The following DCDC2 variants were observed in gnomAD, a reference collection of about 807,000 sequenced individuals.
The protein encoded by DCDC2 is doublecortin domain containing 2.
In DCDC2, 40 loss-of-function variants were observed where a neutral mutation model predicts 50.2. The ratio of observed to expected loss-of-function variants is 0.80; its 90% CI spans 0.62 to 1.04. The LOEUF (loss-of-function observed/expected upper bound fraction) is 1.04. Ranked by LOEUF, DCDC2 falls within the 50% of genes least tolerant of loss-of-function variation. The pLI, the probability that DCDC2 is intolerant of heterozygous loss-of-function variation, is 0.00. For synonymous variants in DCDC2, 234 were observed against 210.6 expected (o/e 1.11, Z -0.96); for missense variants, 570 against 581.9 (o/e 0.98, Z 0.21).
chr6:24,280,546 A>AT (rs1008016266), intron 6 of DCDC2, among the ~76,000 whole-genome samples: 9 of 150,834 alleles, frequency 6.0e-5, no homozygotes, highest in Non-Finnish European at 1.2e-4. Context: ...AATTTTATTT[A>AT]TTTTTTTTTA....
chr6:24,315,127 A>G (rs141163658), intron 2 of DCDC2, among the ~76,000 whole-genome samples: 116 of 150,570 alleles, frequency 7.7e-4, no homozygotes, highest in African/African-American at 2.5e-3. Flanking sequence ...CCAAAAACAC[A>G]CTTTAAGGGC....
intron 2 of DCDC2, among the ~76,000 whole-genome samples, chr6:24,319,864 T>A (rs1759740325): frequency 6.6e-6 from 1 of 152,160 alleles, no homozygotes; most frequent in Non-Finnish European, 1.5e-5. Flanking sequence ...TCTCTCAGTA[T>A]ATATTTTGTA....
At chr6:24,186,401 A>C (rs977271908) in intron 8 of DCDC2, among the ~76,000 whole-genome samples, 5 of 152,218 alleles carry the variant, frequency 3.3e-5, no homozygotes, top group Admixed American at 6.5e-5. Context: ...CAGAGACATA[A>C]AGCAAGTTGC....
At chr6:24,313,110 T>C (rs1422220389) in intron 2 of DCDC2, among the ~76,000 whole-genome samples, 1 of 152,238 alleles carries the variant, frequency 6.6e-6, no homozygotes, top group Non-Finnish European at 1.5e-5. Flanking sequence ...CACAGAAATA[T>C]TTCCACAGAT....
At chr6:24,182,872 T>C (rs530256178) in intron 8 of DCDC2, among the ~76,000 whole-genome samples, 33 of 152,334 alleles carry the variant, frequency 2.2e-4, no homozygotes, top group African/African-American at 6.5e-4. Flanking sequence ...AGGAGAATTA[T>C]TCACAATAGC....
chr6:24,209,877 C>T (rs1443762972), intron 7 of DCDC2, among the ~76,000 whole-genome samples: 1 of 152,204 alleles, frequency 6.6e-6, no homozygotes, highest in African/African-American at 2.4e-5. Flanking sequence ...CACCCCCACA[C>T]TTTCCCCAGC....
intron 7 of DCDC2, among the ~76,000 whole-genome samples, chr6:24,238,513 G>C (rs950758479): frequency 6.6e-6 from 1 of 151,852 alleles, no homozygotes; most frequent in Non-Finnish European, 1.5e-5. Flanking sequence ...TGGCCAGGCT[G>C]GTCTCAAACT....
Position 24,357,631 on chromosome 6 carries a change from C to A in DCDC2, c.120G>T (p.Lys40Asn), listed in dbSNP as rs1422158223. The change falls in exon 1 of 10, where the codon AAG becomes AAT. Residue 40 changes from lysine (K) to asparagine (N), a missense_variant. Coordinates refer to ENST00000378454, the MANE Select transcript of DCDC2 (RefSeq NM_016356.5). ...TCAGGAAGACTTCGAAGCTGGACACCTTCTTCTCATGGATGACGACGCGGC... is the reference window on the plus strand; with the variant it reads ...TCAGGAAGACTTCGAAGCTGGACACATTCTTCTCATGGATGACGACGCGGC... ...AGRRVVIHEK[K>N]VSSFEVFLKE... 1 of 1,613,478 alleles carries A rather than the reference C, an allele frequency of 6.2e-7. No homozygotes were observed. The highest frequency in any genetic ancestry group is 1.7e-5 in the Admixed American group (1 of 60,022).
At chr6:24,258,764 C>T (rs1366397772) in intron 7 of DCDC2, among the ~76,000 whole-genome samples, 1 of 152,150 alleles carries the variant, frequency 6.6e-6, no homozygotes, top group African/African-American at 2.4e-5. Context: ...TTCTGTTCAA[C>T]TTTGGGACTC....
chr6:24,226,072 A>G (rs978569753), intron 7 of DCDC2, among the ~76,000 whole-genome samples: 4 of 152,226 alleles, frequency 2.6e-5, no homozygotes, highest in Non-Finnish European at 5.9e-5. Context: ...GCATTATGTA[A>G]GGATAAAAGA....
In DCDC2 at chr6:24,357,737, C is replaced by A; in HGVS notation, c.14G>T (p.Ser5Ile). 6.2e-7 allele frequency: 1 copy of A among 1,612,396 alleles called. No individual in the cohort carries two copies. The highest frequency in any genetic ancestry group is 8.5e-7 in the Non-Finnish European group (1 of 1,179,396). Residue 5 changes from serine to isoleucine, a missense_variant, in exon 1 of 10, where the codon AGC (serine) becomes ATC (isoleucine). Transcript: ENST00000378454. ...CTGAGACAGGTGGCTGGACCTGGCGCTGCTGCCGCTCATCTTCCCCGCTGG... is the reference window on the plus strand; with the variant it reads ...CTGAGACAGGTGGCTGGACCTGGCGATGCTGCCGCTCATCTTCCCCGCTGG... Reference protein sequence around the residue: MSGSSARSSHLSQPV... With the variant: MSGSIARSSHLSQPV...
Position 24,210,759 on chromosome 6 carries a change from C to T in DCDC2, c.923-5657G>A, listed in dbSNP as rs528352580. The stretch of plus-strand genomic sequence containing the variant: ...AGTGTTTAATTCCACAGCTTAGAAA[C>T]TCTCCAACATTGTTCCATCACATAT... On this transcript the variant is annotated intron_variant, in intron 7 of 9. Coordinates refer to ENST00000378454, the MANE Select transcript of DCDC2 (RefSeq NM_016356.5). 2.0e-5 allele frequency among the ~76,000 whole-genome samples: 3 copies of T among 152,332 alleles called. No homozygotes were observed. In the East Asian group the frequency reaches 5.8e-4, roughly 29 times the overall value.
At chr6:24,303,256 C>G (rs1255715830) in intron 2 of DCDC2, among the ~76,000 whole-genome samples, 6 of 152,082 alleles carry the variant, frequency 3.9e-5, no homozygotes, top group South Asian at 4.1e-4. Context: ...ACCTTTAATA[C>G]TGGAAGATAA....
In DCDC2 at chr6:24,343,172, G is replaced by A. The variant is rs116651466; in HGVS notation, c.348+10397C>T. On this transcript the variant is annotated intron_variant, in intron 2 of 9. Coordinates refer to ENST00000378454, the MANE Select transcript of DCDC2 (RefSeq NM_016356.5). ...ACACCATTCTCCTGCCTCAGCCTCC[G>A]GCGTGGCAGAGATTACAGGCGTCTG... 6.8e-3 allele frequency among the ~76,000 whole-genome samples: 1,028 copies of A among 150,612 alleles called. 6 individuals are homozygous for A. The highest frequency in any genetic ancestry group is 0.023 in the African/African-American group (943 of 41,020).
the DCDC2 span, among the ~76,000 whole-genome samples, chr6:24,375,295 G>A: frequency 6.6e-6 from 1 of 152,206 alleles, no homozygotes; most frequent in East Asian, 1.9e-4. Flanking sequence ...GCTGTGTCCC[G>A]AGAGGGATCT....
At chr6:24,227,213 G>T (rs925475276) in intron 7 of DCDC2, among the ~76,000 whole-genome samples, 1 of 152,198 alleles carries the variant, frequency 6.6e-6, no homozygotes, top group African/African-American at 2.4e-5. Context: ...TAACAGAGGT[G>T]CCTTTTTGAG....
At chr6:24,371,148 G>C in the DCDC2 span, among the ~76,000 whole-genome samples, 2 of 151,490 alleles carry the variant, frequency 1.3e-5, no homozygotes, top group Admixed American at 1.3e-4. Context: ...GTGGCGGTGT[G>C]TGCCTGCAAT....
intron 7 of DCDC2, among the ~76,000 whole-genome samples, chr6:24,236,882 C>T (rs1488338263): frequency 6.6e-6 from 1 of 151,984 alleles, no homozygotes; most frequent in Non-Finnish European, 1.5e-5. Flanking sequence ...TGGTGGCAGG[C>T]ACCTGTAATC....
chr6:24,284,235 A>G (rs1321083354), intron 6 of DCDC2, among the ~76,000 whole-genome samples: 3 of 152,204 alleles, frequency 2.0e-5, no homozygotes, highest in African/African-American at 4.8e-5. Flanking sequence ...ACATACCTGT[A>G]CGTGTCCCAC....
Sources: gnomAD v4.1 joint callset for allele counts (sites outside exome capture counted in the v4.1 genomes callset) on GRCh38, gnomAD v4.1.1 for gene constraint, MANE v1.5 for transcripts, NCBI Gene and HGNC (gene_info 2026-07-23, HGNC 2026-07-21) for gene names.